The following MYL12A variants were observed in gnomAD, a reference collection of about 807,000 sequenced individuals.
The protein encoded by MYL12A is myosin regulatory light chain 12A.
MYL12A carries 11 observed loss-of-function variants against 13.3 expected under a neutral mutation model. The ratio of observed to expected loss-of-function variants is 0.83; its 90% CI spans 0.52 to 1.37. MYL12A has a LOEUF of 1.37. MYL12A is among the 40% of genes most tolerant of loss of function. The pLI is 0.00. For synonymous variants in MYL12A, 51 were observed against 69.9 expected (o/e 0.73, Z 1.35); for missense variants, 146 against 212.3 (o/e 0.69, Z 1.94).
chr18:3,247,784 C>T (rs977229099), upstream of MYL12A: 2 of 152,250 alleles, frequency 1.3e-5, no homozygotes, highest in East Asian at 1.9e-4. Context: ...GGTGACCGGG[C>T]TTCCTTCCGG....
At chr18:3,250,983 C>T (rs971837740) in intron 1 of MYL12A, among the ~76,000 whole-genome samples, 9 of 152,174 alleles carry the variant, frequency 5.9e-5, no homozygotes, top group African/African-American at 2.2e-4. Flanking sequence ...GAAGATAGGA[C>T]ACATGCCTTA....
At chr18:3,251,726 GTT>G (rs5822750) in intron 1 of MYL12A, among the ~76,000 whole-genome samples, 1 of 152,050 alleles carries the variant, frequency 6.6e-6, no homozygotes, top group Admixed American at 6.5e-5. Flanking sequence ...TTTATGAATA[GTT>G]TTAAGTCATG....
rs529340667 is a variant in MYL12A, at chr18:3,252,269, A to T, written c.-15-964A>T. ...AGAATATAACTCAATGCAGTGTCTT[A>T]CTTTTGCTGCTGAGCGGTTTTGCAG... On this transcript the variant is annotated intron_variant, in intron 1 of 3. Coordinates refer to ENST00000217652, the MANE Select transcript of MYL12A (RefSeq NM_006471.4). The T allele has an allele frequency of 5.0e-4, 714 of 1,440,024 alleles. 2 individuals are homozygous for T. In the African/African-American group the frequency reaches 8.5e-3, roughly 17 times the overall value. The allele number at this position is 1,440,024 out of a possible 1,614,324, so 89.2% of individuals were successfully genotyped here.
At chr18:3,250,996 T>C (rs1231654372) in intron 1 of MYL12A, among the ~76,000 whole-genome samples, 2 of 151,820 alleles carry the variant, frequency 1.3e-5, no homozygotes, top group Admixed American at 1.3e-4. Flanking sequence ...ATGCCTTACA[T>C]TTCTTAACTC....
Position 3,255,730 on chromosome 18 carries a change from G to A in MYL12A, c.344-16G>A. On this transcript the variant is annotated splice_polypyrimidine_tract_variant and intron_variant, in intron 3 of 3. Coordinates refer to ENST00000217652, the MANE Select transcript of MYL12A (RefSeq NM_006471.4). ...AGAATAGTATGTATTCTGATCCCTTGTTCTTTATTCTCCAGGCACCATACA... is the reference window on the plus strand; with the variant it reads ...AGAATAGTATGTATTCTGATCCCTTATTCTTTATTCTCCAGGCACCATACA... 1 of 1,608,324 alleles carries A rather than the reference G, an allele frequency of 6.2e-7. No homozygotes were observed. Among genetic ancestry groups the A allele is most frequent in the Non-Finnish European group, 8.5e-7 (1 of 1,178,462 alleles).
At position 3,255,817 on chromosome 18, in the gene MYL12A, G is replaced by A. The variant is rs1314870961; in HGVS notation, c.415G>A (p.Asp139Asn). 2 of 1,614,136 alleles carry A rather than the reference G, an allele frequency of 1.2e-6. No individual in the cohort carries two copies. Among genetic ancestry groups the A allele is most frequent in the Non-Finnish European group, 1.7e-6 (2 of 1,180,024 alleles). Residue 139 changes from aspartate (D) to asparagine (N), a missense_variant, in exon 4 of 4, where the codon GAT becomes AAT. Physicochemically the swap from Asp to Asn is conservative, Grantham distance 23. Coordinates refer to ENST00000217652, the MANE Select transcript of MYL12A (RefSeq NM_006471.4). ...GGATCGGTTTACAGATGAGGAAGTG[G>A]ATGAGCTGTACAGAGAAGCACCTAT... is the stretch of plus-strand genomic sequence containing the variant. ...MGDRFTDEEV[D>N]ELYREAPIDK...
intron 1 of MYL12A, among the ~76,000 whole-genome samples, chr18:3,251,160 TTTTAC>T (rs2081481685): frequency 6.6e-6 from 1 of 151,924 alleles, no homozygotes; most frequent in East Asian, 1.9e-4. Flanking sequence ...AAAAAAGCTT[TTTTAC>T]TTTAAAAATC....
rs2081507462 is a variant in MYL12A, at chr18:3,253,458, G to A, written c.181+30G>A. On this transcript the variant is annotated intron_variant, in intron 2 of 3. Transcript: ENST00000217652. The stretch of plus-strand genomic sequence containing the variant: ...TGCTCAGTTTAAATATTAATCTATT[G>A]GATAGAATTTCCATGGTGCCTTTCA... The A allele has an allele frequency of 1.9e-6, 3 of 1,600,258 alleles. No individual in the cohort carries two copies. In the African/African-American group the frequency reaches 4.0e-5, roughly 21 times the overall value.
chr18:3,255,388 A>C (rs1198642395), intron 3 of MYL12A: 1 of 169,046 alleles, frequency 5.9e-6, no homozygotes, highest in African/African-American at 2.4e-5. Context: ...TTGTTTGTAG[A>C]ATAAGATGTG....
chr18:3,249,576 C>T (rs2081464017), intron 1 of MYL12A: 2 of 152,188 alleles, frequency 1.3e-5, no homozygotes, highest in African/African-American at 2.4e-5. Context: ...GTACAACAGA[C>T]ACTCCTTGAC....
At chr18:3,251,016 A>T (rs2081479573) in intron 1 of MYL12A, among the ~76,000 whole-genome samples, 1 of 147,114 alleles carries the variant, frequency 6.8e-6, no homozygotes, top group Non-Finnish European at 1.5e-5. Context: ...CTTAGCTAGT[A>T]TTCAACATAA....
At chr18:3,251,993 G>A (rs997922201) in intron 1 of MYL12A, among the ~76,000 whole-genome samples, 8 of 152,136 alleles carry the variant, frequency 5.3e-5, no homozygotes, top group African/African-American at 1.4e-4. Flanking sequence ...TAGTCTGGAC[G>A]ATATGGTTAT....
intron 3 of MYL12A, 65 bp downstream of exon 3, chr18:3,254,115 C>A: frequency 1.3e-6 from 2 of 1,531,450 alleles, no homozygotes; most frequent in Non-Finnish European, 1.8e-6. Flanking sequence ...CTAAAATATA[C>A]AGTAACTTAA....
chr18:3,248,968 G>A (rs1478672367), intron 1 of MYL12A, among the ~76,000 whole-genome samples: 1 of 151,930 alleles, frequency 6.6e-6, no homozygotes, highest in Non-Finnish European at 1.5e-5. Context: ...CGGTATATTT[G>A]GTCAGGGTTT....
chr18:3,254,020 G>A lies in MYL12A; in HGVS notation c.313G>A (p.Ala105Thr), dbSNP rs2081513693. 1.2e-6 allele frequency: 2 copies of A among 1,612,756 alleles called. No individual in the cohort carries two copies. The highest frequency in any genetic ancestry group is 1.7e-6 in the Non-Finnish European group (2 of 1,179,550). ...GTDPEDVIRNAFACFDEEATG... is the reference protein window; with the variant it reads ...GTDPEDVIRNTFACFDEEATG... Reference sequence around the variant, plus strand: ...AGATCCTGAAGATGTCATCAGAAATGCCTTTGCTTGCTTTGATGAAGAAGC... The same window carrying A: ...AGATCCTGAAGATGTCATCAGAAATACCTTTGCTTGCTTTGATGAAGAAGC... Residue 105 changes from alanine (A) to threonine (T), a missense_variant, in exon 3 of 4, where the codon GCC becomes ACC. By Grantham distance (58) the Ala-to-Thr change is moderately conservative (BLOSUM62 0). Transcript: ENST00000217652.
chr18:3,252,612 C>T (rs1598797373), intron 1 of MYL12A: 1 of 514,000 alleles, frequency 1.9e-6, no homozygotes. Flanking sequence ...GACTGTAATG[C>T]AAGAAACTGG....
chr18:3,254,083 AT>A, intron 3 of MYL12A, 33 bp downstream of exon 3: 1 of 1,597,238 alleles, frequency 6.3e-7, no homozygotes, highest in Non-Finnish European at 8.5e-7. Context: ...TTATAAAGTG[AT>A]TTAATTTTTA....
intron 1 of MYL12A, chr18:3,248,749 A>G (rs1220131087): frequency 6.6e-6 from 1 of 152,190 alleles, no homozygotes; most frequent in Non-Finnish European, 1.5e-5. Flanking sequence ...CTCACAGCTA[A>G]TTGTCTTTGT....
rs143215594 is a variant in MYL12A at position 3,253,754 on chromosome 18, C to A, written c.182-135C>A. On this transcript the variant is annotated intron_variant, in intron 2 of 3. Transcript: ENST00000217652. ...CTATTCATTAAGAAAACTTTCCCCC[C>A]AAATAGTTTCACTCTCATGAGTGCA... 410 of 1,021,888 alleles carry A rather than the reference C, an allele frequency of 4.0e-4. 2 individuals are homozygous for A. The East Asian group carries it at 0.01, about 26-fold the overall frequency. 63.3% of individuals were successfully genotyped at this position (1,021,888 alleles called of 1,614,324 possible). A position where few individuals can be genotyped will look rare whatever the true frequency, so the allele number is the denominator to read the frequency against.
Sources: allele counts gnomAD v4.1 joint callset (sites outside exome capture counted in the v4.1 genomes callset), GRCh38; gene constraint gnomAD v4.1.1; transcripts MANE v1.5; gene names NCBI Gene and HGNC (gene_info 2026-07-23, HGNC 2026-07-21).